The following EML6 variants were observed in gnomAD, a reference collection of about 807,000 sequenced individuals.
EML6 encodes the protein echinoderm microtubule-associated protein-like 6.
Under a neutral mutation model 240.1 loss-of-function variants are expected in EML6, and 154 were observed. That is an observed-to-expected ratio of 0.64 (90% CI 0.56 to 0.73). EML6 has a LOEUF of 0.73. EML6 is among the 30% of genes least tolerant of loss of function. EML6 has a pLI of 0.00. For synonymous variants in EML6, 1,148 were observed against 899.0 expected (o/e 1.28, Z -4.95); for missense variants, 2,964 against 2,474.6 (o/e 1.20, Z -4.20).
intron 4 of EML6, among the ~76,000 whole-genome samples, chr2:54,819,789 A>G (rs912956237): frequency 1.3e-5 from 2 of 151,590 alleles, no homozygotes; most frequent in African/African-American, 4.8e-5. Flanking sequence ...AAAAAAAAAA[A>G]AGACAAATAG....
rs184664686 is a variant in EML6 at position 54,744,833 on chromosome 2, G to A, written c.197+19575G>A. 1.4e-4 allele frequency among the ~76,000 whole-genome samples: 21 copies of A among 151,540 alleles called. No homozygotes were observed. The East Asian group carries it at 3.3e-3, about 24-fold the overall frequency. On this transcript the variant is annotated intron_variant, in intron 2 of 41. Coordinates refer to ENST00000356458, the MANE Select transcript of EML6 (RefSeq NM_001039753.4). ...GCACAGAAGAGACCTTGCCTATTCA[G>A]GTGTCAGTCACCACTGTATTAGGTG...
chr2:54,869,301 G>A lies in EML6; in HGVS notation c.2172G>A (p.Leu724=). 6.4e-7 allele frequency: 1 copy of A among 1,551,680 alleles called. No homozygotes were observed. The highest frequency in any genetic ancestry group is 8.7e-7 in the Non-Finnish European group (1 of 1,146,950). ...AGCAGCACTCCCAGAGGCTGTACCT[G>A]GGGCACGATGACGACATTCTCAGCC... ...NRQQHSQRLY[L]GHDDDILSLT... is the part of the protein sequence containing the mutation. The change falls in exon 15 of 42, where the codon CTG becomes CTA. Residue 724 remains leucine, a synonymous_variant. Transcript: ENST00000356458.
At chr2:54,941,452 C>G (rs549439127) in intron 28 of EML6, among the ~76,000 whole-genome samples, 4 of 152,182 alleles carry the variant, frequency 2.6e-5, no homozygotes. Flanking sequence ...TCAGCGTAGC[C>G]GGACAGAGGC....
chr2:54,950,225 A>G (rs1017124505), intron 29 of EML6, among the ~76,000 whole-genome samples: 9 of 152,360 alleles, frequency 5.9e-5, no homozygotes, highest in East Asian at 1.9e-4. Context: ...CTTTGACTCT[A>G]TGTTCTGCTC....
chr2:54,903,524 A>G (rs1673167674), intron 24 of EML6, 22 bp downstream of exon 24: 4 of 1,530,944 alleles, frequency 2.6e-6, no homozygotes, highest in Non-Finnish European at 3.5e-6. Context: ...TGTGGCTTTT[A>G]AAATAGAATT....
At chr2:54,742,030 C>T (rs1195629407) in intron 2 of EML6, among the ~76,000 whole-genome samples, 2 of 152,184 alleles carry the variant, frequency 1.3e-5, no homozygotes, top group Admixed American at 6.5e-5. Context: ...CCCACCATAA[C>T]TAAATTCAAA....
At chr2:54,960,901 GTTTCCTTCTA>G (rs962464216) in intron 35 of EML6, among the ~76,000 whole-genome samples, 5 of 152,066 alleles carry the variant, frequency 3.3e-5, no homozygotes, top group African/African-American at 9.7e-5. Flanking sequence ...GGACCTGTAT[GTTTCCTTCTA>G]TTTCCTTCTA....
At chr2:54,862,074 G>T (rs573945263) in intron 12 of EML6, among the ~76,000 whole-genome samples, 1 of 152,146 alleles carries the variant, frequency 6.6e-6, no homozygotes, top group African/African-American at 2.4e-5. Flanking sequence ...GTTGACTCAT[G>T]ACTGTAATCC....
In EML6 at chr2:54,841,128, C is replaced by T. The variant is rs138278684; in HGVS notation, c.848-2919C>T. Among the ~76,000 whole-genome samples the T allele has an allele frequency of 4.7e-3, 719 of 152,352 alleles. 10 individuals carry two copies. The highest frequency in any genetic ancestry group is 0.016 in the African/African-American group (684 of 41,592). On this transcript the variant is annotated intron_variant, in intron 7 of 41. Coordinates refer to ENST00000356458, the MANE Select transcript of EML6 (RefSeq NM_001039753.4). The stretch of plus-strand genomic sequence containing the variant: ...GGGGCTGTGGCAACAGGATCATGGG[C>T]GCAAGGCCGTGTGGTTCTCTGCAGC...
In EML6 at chr2:54,948,835, C is replaced by A. The variant is rs1283925816; in HGVS notation, c.4005-47C>A. 5 of 1,450,726 alleles carry A rather than the reference C, an allele frequency of 3.4e-6. No homozygotes were observed. The Admixed American group carries it at 5.9e-5, about 17-fold the overall frequency. The allele number at this position is 1,450,726 out of a possible 1,614,324, so 89.9% of individuals were successfully genotyped here. ...AGGCCACACCGGGAAGGCAGCCTTG[C>A]AGCCCTTGTTCAATGCTGTGCTTCC... is the stretch of plus-strand genomic sequence containing the variant. On this transcript the variant is annotated intron_variant, in intron 28 of 41. Transcript: ENST00000356458.
At chr2:54,937,215 T>C (rs796838244) in intron 28 of EML6, among the ~76,000 whole-genome samples, 19 of 149,424 alleles carry the variant, frequency 1.3e-4, no homozygotes, top group African/African-American at 4.2e-4. Context: ...GAGGTGGAGG[T>C]TGTGGTGAGC....
At chr2:54,942,253 T>A (rs553991007) in intron 28 of EML6, among the ~76,000 whole-genome samples, 187 of 152,336 alleles carry the variant, frequency 1.2e-3, no homozygotes, top group African/African-American at 4.2e-3. Flanking sequence ...AGAAGCTTAA[T>A]GTGCCTAGGA....
chr2:54,953,505 G>C (rs987816758), intron 31 of EML6, among the ~76,000 whole-genome samples: 32 of 152,160 alleles, frequency 2.1e-4, no homozygotes, highest in Admixed American at 4.6e-4. Flanking sequence ...GCCTTTAAAA[G>C]CAAATTTCCT....
At chr2:54,894,315 A>T (rs1672644983) in intron 19 of EML6, among the ~76,000 whole-genome samples, 1 of 152,092 alleles carries the variant, frequency 6.6e-6, no homozygotes. Context: ...ATCACTGTTC[A>T]GTAAAAAATA....
intron 7 of EML6, among the ~76,000 whole-genome samples, chr2:54,841,586 CTTTTTTTT>C (rs3038252): frequency 1.7e-5 from 2 of 118,918 alleles, no homozygotes; most frequent in South Asian, 2.8e-4. Context: ...TTTGTCTTGG[CTTTTTTTT>C]TTTTTTTTTT....
chr2:54,877,730 A>G (rs1671585786), intron 16 of EML6, among the ~76,000 whole-genome samples: 1 of 152,242 alleles, frequency 6.6e-6, no homozygotes, highest in Non-Finnish European at 1.5e-5. Context: ...CCTGGTGATG[A>G]TTTAGCCCTT....
chr2:54,814,239 C>G (rs973199647), intron 3 of EML6, among the ~76,000 whole-genome samples: 1 of 152,204 alleles, frequency 6.6e-6, no homozygotes, highest in Non-Finnish European at 1.5e-5. Context: ...GTTTGTACCT[C>G]TGGGCCCTGC....
intron 9 of EML6, among the ~76,000 whole-genome samples, chr2:54,848,086 G>T (rs1669868147): frequency 1.3e-5 from 2 of 152,104 alleles, no homozygotes; most frequent in South Asian, 4.1e-4. Flanking sequence ...AAAAGAGGAA[G>T]AAAGAATAAA....
Position 54,813,353 on chromosome 2 carries a change from C to T in EML6, c.319C>T (p.His107Tyr), listed in dbSNP as rs145889900. 454 of 1,551,638 alleles carry T rather than the reference C, an allele frequency of 2.9e-4. No individual in the cohort carries two copies. The highest frequency in any genetic ancestry group is 3.8e-4 in the Non-Finnish European group (431 of 1,146,796). ...TVSLLKDVHT[H>Y]GVACLAFDSD... The stretch of plus-strand genomic sequence containing the variant: ...GTCTCTTCTTAAAGATGTCCATACA[C>T]ATGGAGTTGCCTGCCTGGCTTTTGA... Residue 107 changes from histidine (H) to tyrosine (Y), a missense_variant, in exon 3 of 42, where the codon CAT becomes TAT. His to Tyr is a moderately conservative substitution (Grantham distance 83, BLOSUM62 2). Coordinates refer to ENST00000356458, the MANE Select transcript of EML6 (RefSeq NM_001039753.4).
Sources: allele counts gnomAD v4.1 joint callset (sites outside exome capture counted in the v4.1 genomes callset), GRCh38; gene constraint gnomAD v4.1.1; transcripts MANE v1.5; gene names NCBI Gene and HGNC (gene_info 2026-07-23, HGNC 2026-07-21).